SATB1: variants seen among roughly 807,000 people sequenced by gnomAD.
SATB1 encodes the protein SATB homeobox 1, also known as DNA-binding protein SATB1.
Under a neutral mutation model 86.9 loss-of-function variants are expected in SATB1, and 11 were observed. The observed-to-expected ratio is 0.13, with a 90% CI of 0.08 to 0.21. The LOEUF (loss-of-function observed/expected upper bound fraction) is 0.21, where lower values mean the gene tolerates loss of function less well. Ranked by LOEUF, SATB1 falls within the 10% of genes least tolerant of loss-of-function variation. The pLI is 1.00. For synonymous variants in SATB1, 357 were observed against 357.2 expected, an observed-to-expected ratio of 1.00 and a Z score of 0.01; for missense variants, 551 against 937.6, an observed-to-expected ratio of 0.59 and a Z score of 5.39.
intron 2 of SATB1, among the ~76,000 whole-genome samples, chr3:18,433,103 C>T (rs910588564): frequency 6.6e-6 from 1 of 152,098 alleles, no homozygotes; most frequent in African/African-American, 2.4e-5. Flanking sequence ...AAATGGTTCT[C>T]TTTTAAGGTT....
At position 18,394,852 on chromosome 3, in the gene SATB1, T is replaced by C. The variant is rs1351571066; in HGVS notation, c.816A>G (p.Gln272=). 5 of 1,613,548 alleles carry C rather than the reference T, an allele frequency of 3.1e-6. No individual in the cohort carries two copies. Among genetic ancestry groups the C allele is most frequent in the South Asian group, 2.2e-5 (2 of 91,062 alleles). ...GCTCGGCTGTGTTCCCTGGAACTGG[T>C]TGCTGGCCAAAATTGACATGATTGG... ...QGANHVNFGQ[Q]PVPGNTAEQP... is the part of the protein sequence containing the mutation. The change falls in exon 7 of 11, where the codon CAA becomes CAG. Residue 272 remains glutamine (Q), a synonymous_variant. Coordinates refer to ENST00000338745, the MANE Select transcript of SATB1 (RefSeq NM_002971.6). This position sits in a 1 kb window ranked among gnomAD's most constrained non-coding sequence, Gnocchi z 5.9.
chr3:18,357,515 G>A (rs1162455863), intron 9 of SATB1, among the ~76,000 whole-genome samples: 1 of 147,748 alleles, frequency 6.8e-6, no homozygotes, highest in African/African-American at 2.5e-5. Context: ...TTTTTAATCT[G>A]CCCACAAACA....
At chr3:18,445,269 C>G (rs2125217891) in intron 1 of SATB1, 2 of 982,724 alleles carry the variant, frequency 2.0e-6, no homozygotes, top group African/African-American at 3.5e-5. Flanking sequence ...GCACTGAAGC[C>G]CGAGCCGAGC....
At chr3:18,419,073 G>A (rs1177008139) in intron 2 of SATB1, among the ~76,000 whole-genome samples, 1 of 152,118 alleles carries the variant, frequency 6.6e-6, no homozygotes, top group Admixed American at 6.5e-5. Flanking sequence ...AATAACTGCA[G>A]GGTTTTCAAA....
intron 9 of SATB1, among the ~76,000 whole-genome samples, chr3:18,364,459 TTG>T (rs1024779737): frequency 6.6e-6 from 1 of 152,110 alleles, no homozygotes; most frequent in Non-Finnish European, 1.5e-5. Context: ...GGAAAATATT[TTG>T]TGATTTTTTT....
At chr3:18,354,142 A>C (rs1329143476) in intron 9 of SATB1, among the ~76,000 whole-genome samples, 1 of 152,232 alleles carries the variant, frequency 6.6e-6, no homozygotes, top group Non-Finnish European at 1.5e-5. Flanking sequence ...GAACATCTGA[A>C]GTATCTGAGA....
Position 18,349,927 on chromosome 3 carries a change from TC to T in SATB1, c.1780-246del. 1.8e-6 allele frequency: 1 copy of T among 565,732 alleles called. No individual in the cohort carries two copies. The highest frequency in any genetic ancestry group is 2.9e-6 in the Non-Finnish European group (1 of 347,894). 35.0% of individuals were successfully genotyped at this position (565,732 alleles called of 1,614,324 possible). A position where few individuals can be genotyped will look rare whatever the true frequency, so the allele number is the denominator to read the frequency against. On this transcript the variant is annotated intron_variant, in intron 10 of 10. Transcript: ENST00000338745. The surrounding 1 kb of genome is among the most constrained non-coding windows in gnomAD (Gnocchi z 5.5). ...GGCTACTGCACTTACTTATCAGAGA[TC>T]AGCAGAGGAAGTGAAAACTCAGTGC...
At chr3:18,351,514 G>T in intron 10 of SATB1, 1 of 788,716 alleles carries the variant, frequency 1.3e-6, no homozygotes, top group African/African-American at 1.7e-5. Context: ...GGACTGTAAG[G>T]CAAGATTCCA....
chr3:18,398,008 C>T (rs917196669), intron 5 of SATB1, among the ~76,000 whole-genome samples: 4 of 152,108 alleles, frequency 2.6e-5, no homozygotes, highest in Admixed American at 6.6e-5. Context: ...AATAGTAAAG[C>T]TTAAGTTTTG....
intron 2 of SATB1, among the ~76,000 whole-genome samples, chr3:18,419,154 C>T (rs139254269): frequency 1.1e-4 from 16 of 152,206 alleles, no homozygotes; most frequent in Admixed American, 5.9e-4. Context: ...ATAATAAAGA[C>T]GGCTATAAAG....
chr3:18,356,827 C>G (rs933142802), intron 9 of SATB1, among the ~76,000 whole-genome samples: 6 of 151,806 alleles, frequency 4.0e-5, no homozygotes, highest in Admixed American at 3.3e-4. Flanking sequence ...ATTTATTGTA[C>G]TTTATAAAGC....
In SATB1 at chr3:18,444,406, C is replaced by T. The variant is rs1273341688; in HGVS notation, c.-25+1112G>A. ...CTCTCCCCTACTCTACCAGCCCACC[C>T]CTCCAAGGTCCGTCTGCGTGAGAAA... is the stretch of plus-strand genomic sequence containing the variant. On this transcript the variant is annotated intron_variant, in intron 1 of 3. Transcript: ENST00000415069. This position sits in a 1 kb window ranked among gnomAD's most constrained non-coding sequence, Gnocchi z 5.1. 6.6e-6 allele frequency among the ~76,000 whole-genome samples: 1 copy of T among 152,044 alleles called. No homozygotes were observed. The highest frequency in any genetic ancestry group is 1.5e-5 in the Non-Finnish European group (1 of 68,008).
In SATB1 at chr3:18,444,762, A is replaced by C. The variant is rs1020478565; in HGVS notation, c.-25+756T>G. On this transcript the variant is annotated intron_variant, in intron 1 of 3. Transcript: ENST00000415069. The surrounding 1 kb of genome is among the most constrained non-coding windows in gnomAD (Gnocchi z 5.1). ...CCGCCGGAGCTGCGGCTGCCGCGGA[A>C]GTTAATTGCAACTTGACTTCAAGTT... is the stretch of plus-strand genomic sequence containing the variant. 8.2e-6 allele frequency: 4 copies of C among 490,444 alleles called. No individual in the cohort carries two copies. Among genetic ancestry groups the C allele is most frequent in the Admixed American group, 6.4e-5 (1 of 15,546 alleles). The allele number at this position is 490,444 out of a possible 1,614,324, so 30.4% of individuals were successfully genotyped here. A position where few individuals can be genotyped will look rare whatever the true frequency, so the allele number is the denominator to read the frequency against.
intron 9 of SATB1, among the ~76,000 whole-genome samples, chr3:18,374,571 G>A (rs2125178673): frequency 6.6e-6 from 1 of 152,198 alleles, no homozygotes; most frequent in Non-Finnish European, 1.5e-5. Flanking sequence ...TCCTAACCAA[G>A]CACAAAAAGT....
intron 9 of SATB1, among the ~76,000 whole-genome samples, chr3:18,363,289 G>A (rs752463838): frequency 4.6e-4 from 70 of 152,160 alleles, no homozygotes; most frequent in South Asian, 3.9e-3. Context: ...GTCCAAAACC[G>A]CATCATTTTA....
chr3:18,357,739 G>GA (rs1358118129), intron 9 of SATB1, among the ~76,000 whole-genome samples: 3 of 151,286 alleles, frequency 2.0e-5, no homozygotes, highest in South Asian at 2.1e-4. Flanking sequence ...TTTTCTGTCT[G>GA]AAAAAACAAC....
chr3:18,419,579 C>G (rs1258961988), intron 2 of SATB1, among the ~76,000 whole-genome samples: 1 of 152,140 alleles, frequency 6.6e-6, no homozygotes, highest in Non-Finnish European at 1.5e-5. Context: ...TACATGTTTG[C>G]AGGCGTCAGA....
At chr3:18,361,012 G>C (rs1020511604) in intron 9 of SATB1, among the ~76,000 whole-genome samples, 1 of 152,018 alleles carries the variant, frequency 6.6e-6, no homozygotes, top group East Asian at 1.9e-4. Flanking sequence ...TTTAAAACAG[G>C]AAAAATAATA....
intron 10 of SATB1, chr3:18,350,096 A>G (rs546779418): frequency 1.3e-4 from 23 of 180,134 alleles, no homozygotes; most frequent in African/African-American, 5.2e-4. Context: ...CAGAAAGGTG[A>G]GCTACAGAGC....
Sources: gnomAD v4.1 joint callset for allele counts (sites outside exome capture counted in the v4.1 genomes callset) on GRCh38, gnomAD v4.1.1 for gene constraint, Gnocchi (gnomAD v3.1) non-coding constraint, MANE v1.5 for transcripts, NCBI Gene and HGNC (gene_info 2026-07-23, HGNC 2026-07-21) for gene names.